The following ARPP21 variants were observed in gnomAD, a reference collection of about 807,000 sequenced individuals.
The protein encoded by ARPP21 is cAMP-regulated phosphoprotein 21.
Under a neutral mutation model 113.2 loss-of-function variants are expected in ARPP21, and 69 were observed. That is an observed-to-expected ratio of 0.61 (90% CI 0.50 to 0.74). ARPP21 has a LOEUF of 0.74. Ranked by LOEUF, ARPP21 falls within the 30% of genes least tolerant of loss-of-function variation. The pLI is 0.00. For missense variants in ARPP21, 1,070 were observed against 1,037.4 expected, an observed-to-expected ratio of 1.03 and a Z score of -0.43; for synonymous variants, 368 against 375.5, an observed-to-expected ratio of 0.98 and a Z score of 0.23.
chr3:35,785,215 C>G (rs9875969), intron 19 of ARPP21: 2 of 152,026 alleles, frequency 1.3e-5, no homozygotes, highest in African/African-American at 4.8e-5. Flanking sequence ...ATTAACACGA[C>G]GGGTAGAGGT....
At chr3:35,697,498 C>T (rs1418632655) in intron 9 of ARPP21, among the ~76,000 whole-genome samples, 2 of 151,530 alleles carry the variant, frequency 1.3e-5, no homozygotes, top group African/African-American at 2.4e-5. Flanking sequence ...ATCATAAAAG[C>T]CATGAAACTC....
At chr3:35,708,889 T>A (rs2090148272) in intron 10 of ARPP21, 80 bp from the exon 11 acceptor site, 1 of 898,534 alleles carries the variant, frequency 1.1e-6, no homozygotes, top group South Asian at 1.5e-5. Context: ...ACATTTATTA[T>A]TCTTAGCTGA....
chr3:35,790,896 G>T (rs1231501300), intron 19 of ARPP21, among the ~76,000 whole-genome samples: 1 of 152,166 alleles, frequency 6.6e-6, no homozygotes, highest in Non-Finnish European at 1.5e-5. Context: ...GACACATAAG[G>T]AAGGTCAAAG....
At chr3:35,689,220 G>C (rs78806399) in intron 6 of ARPP21, 87 bp from the exon 7 acceptor site, 12,504 of 747,070 alleles carry the variant, frequency 0.017, 157 homozygotes, top group Non-Finnish European at 0.024. Context: ...TATCTGAGCA[G>C]GGGGAAACAG....
intron 1 of ARPP21, among the ~76,000 whole-genome samples, chr3:35,679,458 T>C (rs143724003): frequency 1.2e-4 from 18 of 151,624 alleles, no homozygotes; most frequent in African/African-American, 3.9e-4. Flanking sequence ...CTGATCCTCA[T>C]TGAGGCAAAC....
chr3:35,742,396 A>C (rs1434529329), intron 18 of ARPP21, among the ~76,000 whole-genome samples: 1 of 152,232 alleles, frequency 6.6e-6, no homozygotes, highest in Non-Finnish European at 1.5e-5. Context: ...TTACTCCAGA[A>C]TTATTTGTTT....
rs755074235 is a variant in ARPP21 at position 35,708,983 on chromosome 3, T to C, written c.810T>C (p.His270=). ...DKEDNQQNRM[H]PFRDDRRSKS... ...TTTCTGTTCAGCAAAACAGAATGCA[T>C]CCATTTAGAGATGACAGACGAAGTA... The change falls in exon 11 of 21, where the codon CAT becomes CAC. Residue 270 remains histidine (H), a synonymous_variant. Coordinates refer to ENST00000684406, the MANE Select transcript of ARPP21 (RefSeq NM_001385562.1). 1.2e-6 allele frequency: 2 copies of C among 1,613,262 alleles called. No homozygotes were observed. Among genetic ancestry groups the C allele is most frequent in the South Asian group, 1.1e-5 (1 of 91,030 alleles).
chr3:35,789,737 C>A (rs2096709724), intron 19 of ARPP21, among the ~76,000 whole-genome samples: 1 of 152,190 alleles, frequency 6.6e-6, no homozygotes, highest in Admixed American at 6.5e-5. Context: ...ACAGGCTCTG[C>A]ACCTTTACTA....
intron 1 of ARPP21, among the ~76,000 whole-genome samples, chr3:35,656,956 T>C (rs1025744162): frequency 2.0e-5 from 3 of 151,994 alleles, no homozygotes; most frequent in African/African-American, 7.2e-5. Flanking sequence ...GAAGATATGA[T>C]CTCTATGAGA....
chr3:35,664,922 TG>T (rs1188972258), intron 1 of ARPP21, among the ~76,000 whole-genome samples: 1 of 152,220 alleles, frequency 6.6e-6, no homozygotes, highest in African/African-American at 2.4e-5. Context: ...TTGCATACTC[TG>T]AGTGACTTAG....
intron 17 of ARPP21, among the ~76,000 whole-genome samples, chr3:35,738,835 A>G (rs2094504127): frequency 6.6e-6 from 1 of 152,182 alleles, no homozygotes; most frequent in Admixed American, 6.5e-5. Context: ...TCCCTCATAT[A>G]GTAATATAAT....
At chr3:35,782,575 G>A (rs2096548402) in intron 19 of ARPP21, among the ~76,000 whole-genome samples, 1 of 152,028 alleles carries the variant, frequency 6.6e-6, no homozygotes, top group African/African-American at 2.4e-5. Flanking sequence ...AGTAGTAGGT[G>A]ACATGGAGAG....
intron 14 of ARPP21, among the ~76,000 whole-genome samples, chr3:35,727,090 C>T (rs1444770178): frequency 1.3e-5 from 2 of 152,122 alleles, no homozygotes; most frequent in African/African-American, 2.4e-5. Flanking sequence ...ATGCCTTATT[C>T]GTAGCCCCAT....
chr3:35,777,548 C>T (rs2096407777), intron 19 of ARPP21, among the ~76,000 whole-genome samples: 1 of 152,172 alleles, frequency 6.6e-6, no homozygotes, highest in African/African-American at 2.4e-5. Flanking sequence ...AAGATGATTG[C>T]TTTAAATATT....
In ARPP21 at chr3:35,729,300, C is replaced by T; in HGVS notation, c.1226-3C>T. The T allele has an allele frequency of 6.2e-7, 1 of 1,609,122 alleles. No homozygotes were observed. Among genetic ancestry groups the T allele is most frequent in the Non-Finnish European group, 8.5e-7 (1 of 1,175,564 alleles). On this transcript the variant is annotated splice_polypyrimidine_tract_variant and splice_region_variant and intron_variant, in intron 14 of 20. Transcript: ENST00000684406. ...TGATTTGTTGATTGTATCCCTATGC[C>T]AGGTTCCGAGTCTTCCAGCAGTGCA...
chr3:35,709,583 T>A (rs12630432), intron 11 of ARPP21, among the ~76,000 whole-genome samples: 1 of 152,156 alleles, frequency 6.6e-6, no homozygotes, highest in Non-Finnish European at 1.5e-5. Flanking sequence ...AAATCAAATC[T>A]GTGAACAGTT....
chr3:35,659,092 T>C (rs374835653), intron 1 of ARPP21, among the ~76,000 whole-genome samples: 3 of 152,324 alleles, frequency 2.0e-5, no homozygotes, highest in East Asian at 1.9e-4. Context: ...CTGACTTTGA[T>C]AATCAAGACA....
At chr3:35,712,334 A>G (rs2091361838) in intron 11 of ARPP21, among the ~76,000 whole-genome samples, 2 of 152,202 alleles carry the variant, frequency 1.3e-5, no homozygotes, top group Non-Finnish European at 2.9e-5. Flanking sequence ...TTATTATTTA[A>G]GCAGTGGAGT....
chr3:35,774,157 C>A (rs751449830), intron 19 of ARPP21, among the ~76,000 whole-genome samples: 2 of 152,144 alleles, frequency 1.3e-5, no homozygotes, highest in Non-Finnish European at 2.9e-5. Flanking sequence ...TGCTGTGCGC[C>A]TATAGTCCCA....
Sources: gnomAD v4.1 joint callset for allele counts (sites outside exome capture counted in the v4.1 genomes callset) on GRCh38, gnomAD v4.1.1 for gene constraint, MANE v1.5 for transcripts, NCBI Gene and HGNC (gene_info 2026-07-23, HGNC 2026-07-21) for gene names.